Variants in HS6ST3 observed in about 807,000 individuals in gnomAD.
The protein encoded by HS6ST3 is heparan-sulfate 6-O-sulfotransferase 3.
In HS6ST3, 12 loss-of-function variants were observed where a neutral mutation model predicts 36.7. The observed-to-expected ratio is 0.33, with a 90% CI of 0.21 to 0.53. The LOEUF is 0.53. HS6ST3 is among the 20% of genes least tolerant of loss of function. The pLI, the probability that HS6ST3 is intolerant of heterozygous loss-of-function variation, is 0.95. For synonymous variants in HS6ST3, 240 were observed against 257.5 expected (o/e 0.93, Z 0.65); for missense variants, 584 against 640.9 (o/e 0.91, Z 0.96).
At chr13:96,561,843 G>A (rs185151445) in intron 1 of HS6ST3, among the ~76,000 whole-genome samples, 1 of 152,282 alleles carries the variant, frequency 6.6e-6, no homozygotes, top group Non-Finnish European at 1.5e-5. Flanking sequence ...TTTCACATCA[G>A]TCAGAATGTC....
chr13:96,383,634 T>C (rs2055352722), intron 1 of HS6ST3, among the ~76,000 whole-genome samples: 1 of 152,192 alleles, frequency 6.6e-6, no homozygotes, highest in Admixed American at 6.5e-5. Flanking sequence ...AGACCTTGAC[T>C]GTTTGTGCAC....
chr13:96,599,554 A>T (rs370427445), intron 1 of HS6ST3, among the ~76,000 whole-genome samples: 6 of 151,656 alleles, frequency 4.0e-5, no homozygotes, highest in African/African-American at 1.4e-4. Context: ...AAGTAGTGTT[A>T]TATCAATTTT....
chr13:96,730,185 A>AT (rs1338085836), intron 1 of HS6ST3, among the ~76,000 whole-genome samples: 1 of 152,202 alleles, frequency 6.6e-6, no homozygotes, highest in Non-Finnish European at 1.5e-5. Context: ...TTTCCAGATC[A>AT]TTAATAAAGT....
At chr13:96,163,339 C>T (rs1287774137) in intron 1 of HS6ST3, among the ~76,000 whole-genome samples, 1 of 149,760 alleles carries the variant, frequency 6.7e-6, no homozygotes, top group African/African-American at 2.5e-5. Context: ...ACGACATTCT[C>T]CTGCCTTAGC....
intron 1 of HS6ST3, among the ~76,000 whole-genome samples, chr13:96,513,359 C>A (rs2056058627): frequency 1.3e-5 from 2 of 151,714 alleles, no homozygotes; most frequent in African/African-American, 2.4e-5. Context: ...AAAATTTATT[C>A]TTTCCCCTGT....
intron 1 of HS6ST3, among the ~76,000 whole-genome samples, chr13:96,710,975 C>G (rs953008826): frequency 1.3e-5 from 2 of 152,228 alleles, no homozygotes; most frequent in Non-Finnish European, 2.9e-5. Flanking sequence ...GCACATTTCT[C>G]TCAGACTTCT....
At position 96,640,859 on chromosome 13, in the gene HS6ST3, G is replaced by A. The variant is rs147048147; in HGVS notation, c.708-191631G>A. ...GACTTTGTTGAAGATTTAGATGGGC[G>A]TAGGTGTGTAACTTTATTTCTAGAT... On this transcript the variant is annotated intron_variant, in intron 1 of 1. Transcript: ENST00000376705. Among the ~76,000 whole-genome samples the A allele has an allele frequency of 1.1e-4, 16 of 152,030 alleles. No homozygotes were observed. In the East Asian group the frequency reaches 2.7e-3, roughly 26 times the overall value.
chr13:96,146,284 T>G (rs566244707), intron 1 of HS6ST3, among the ~76,000 whole-genome samples: 1 of 152,318 alleles, frequency 6.6e-6, no homozygotes, highest in East Asian at 1.9e-4. Context: ...TTCCTACCCA[T>G]GAGCATGGAA....
intron 1 of HS6ST3, among the ~76,000 whole-genome samples, chr13:96,515,519 A>G (rs1217078555): frequency 6.6e-6 from 1 of 152,196 alleles, no homozygotes; most frequent in African/African-American, 2.4e-5. Context: ...CTGCCTTTGC[A>G]CACTCTTACT....
At chr13:96,421,605 C>T (rs141748909) in intron 1 of HS6ST3, among the ~76,000 whole-genome samples, 3 of 152,154 alleles carry the variant, frequency 2.0e-5, no homozygotes, top group Non-Finnish European at 2.9e-5. Flanking sequence ...GGTGTTGCTT[C>T]TGCCTAGAGG....
intron 1 of HS6ST3, among the ~76,000 whole-genome samples, chr13:96,439,081 A>G (rs1397208373): frequency 8.8e-6 from 1 of 114,042 alleles, no homozygotes. Context: ...GAAAAAAAAA[A>G]GAAAAAAAAA....
chr13:96,564,297 T>A (rs1356508357), intron 1 of HS6ST3, among the ~76,000 whole-genome samples: 1 of 152,336 alleles, frequency 6.6e-6, no homozygotes, highest in East Asian at 1.9e-4. Flanking sequence ...TAGCACATAC[T>A]TGCAACTCTT....
intron 1 of HS6ST3, among the ~76,000 whole-genome samples, chr13:96,330,875 C>A (rs1250328056): frequency 6.7e-6 from 1 of 149,484 alleles, no homozygotes; most frequent in African/African-American, 2.5e-5. Context: ...GGAGGCTTTG[C>A]TCATTTCTTT....
chr13:96,609,565 A>T lies in HS6ST3; in HGVS notation c.708-222925A>T, dbSNP rs577022038. On this transcript the variant is annotated intron_variant, in intron 1 of 1. Coordinates refer to ENST00000376705, the MANE Select transcript of HS6ST3 (RefSeq NM_153456.4). The stretch of plus-strand genomic sequence containing the variant: ...AAACTGAGGCATGTGTCTGATATAT[A>T]TCTTATTGACGAGGTCTCTGTCAGT... Among the ~76,000 whole-genome samples the T allele has an allele frequency of 1.1e-4, 16 of 152,222 alleles. No individual in the cohort carries two copies. In the East Asian group the frequency reaches 3.1e-3, roughly 30 times the overall value.
chr13:96,534,278 T>C (rs1332051665), intron 1 of HS6ST3, among the ~76,000 whole-genome samples: 1 of 152,220 alleles, frequency 6.6e-6, no homozygotes, highest in Admixed American at 6.5e-5. Flanking sequence ...AATGTTCTAA[T>C]CTAGGATTTA....
chr13:96,107,030 G>A (rs955067929), intron 1 of HS6ST3, among the ~76,000 whole-genome samples: 1 of 152,184 alleles, frequency 6.6e-6, no homozygotes, highest in African/African-American at 2.4e-5. Flanking sequence ...ACCAGCACTG[G>A]AGTTTTACCC....
chr13:96,320,404 T>G (rs1229181869), intron 1 of HS6ST3, among the ~76,000 whole-genome samples: 1 of 152,208 alleles, frequency 6.6e-6, no homozygotes, highest in Non-Finnish European at 1.5e-5. Context: ...CCCAGAGTTT[T>G]CATTGAGATG....
At chr13:96,481,967 C>T (rs2055892128) in intron 1 of HS6ST3, among the ~76,000 whole-genome samples, 1 of 152,024 alleles carries the variant, frequency 6.6e-6, no homozygotes, top group African/African-American at 2.4e-5. Flanking sequence ...CTCTTCGCAA[C>T]GTGCTCACTT....
intron 1 of HS6ST3, among the ~76,000 whole-genome samples, chr13:96,174,933 G>C (rs180702397): frequency 1.6e-4 from 25 of 152,154 alleles, no homozygotes; most frequent in African/African-American, 4.6e-4. Context: ...TAATAGTGTT[G>C]CTTTAGGTTT....
Sources: gnomAD v4.1 joint callset for allele counts (sites outside exome capture counted in the v4.1 genomes callset) on GRCh38, gnomAD v4.1.1 for gene constraint, MANE v1.5 for transcripts, NCBI Gene and HGNC (gene_info 2026-07-23, HGNC 2026-07-21) for gene names.